Variants in C1RL observed in about 807,000 individuals in gnomAD.
The protein encoded by C1RL is complement C1r subcomponent like.
In C1RL, 27 loss-of-function variants were observed where a neutral mutation model predicts 27.9. The ratio of observed to expected loss-of-function variants is 0.97; its 90% CI spans 0.71 to 1.33. The LOEUF is 1.33. Among genes scored for constraint, C1RL ranks in the 40% most tolerant of loss-of-function variants. The pLI, the probability that C1RL is intolerant of heterozygous loss-of-function variation, is 0.00. For synonymous variants in C1RL, 248 were observed against 252.1 expected, an observed-to-expected ratio of 0.98 and a Z score of 0.15; for missense variants, 563 against 623.9, an observed-to-expected ratio of 0.90 and a Z score of 1.04.
Position 7,095,376 on chromosome 12 carries a change from G to T in C1RL, c.*1015C>A, listed in dbSNP as rs1445043660. The T allele has an allele frequency of 9.8e-7, 1 of 1,019,874 alleles. No homozygotes were observed. Among genetic ancestry groups the T allele is most frequent in the Non-Finnish European group, 1.2e-6 (1 of 846,960 alleles). 63.2% of individuals were successfully genotyped at this position (1,019,874 alleles called of 1,614,324 possible). ...TGATCCACCCACCTCGGACTCCTAA[G>T]GTGTTGGGATTACAGGCGTGAGCCA... On this transcript the variant is annotated 3_prime_UTR_variant, in exon 6 of 6. Coordinates refer to ENST00000266542, the MANE Select transcript of C1RL (RefSeq NM_016546.4).
At chr12:7,102,845 T>C (rs895391439) in intron 2 of C1RL, among the ~76,000 whole-genome samples, 4 of 152,220 alleles carry the variant, frequency 2.6e-5, no homozygotes, top group Non-Finnish European at 5.9e-5. Flanking sequence ...AATACCTTCC[T>C]GTGGGTTCCT....
Position 7,109,149 on chromosome 12 carries a change from A to T in C1RL, c.32T>A (p.Leu11His), listed in dbSNP as rs867689737. ...GCCTTTGGAGTGAGGGCTTCTCCAG[A>T]GATATTTCCCCCACACTCTGGGTCC... is the stretch of plus-strand genomic sequence containing the variant. MPGPRVWGKY[L>H]WRSPHSKGCP... Residue 11 changes from leucine to histidine, a missense_variant, in exon 1 of 6, where the codon CTC (leucine) becomes CAC (histidine). By Grantham distance (99) the Leu-to-His change is moderately conservative (BLOSUM62 -3). Transcript: ENST00000266542. The T allele has an allele frequency of 6.2e-7, 1 of 1,601,878 alleles. No individual in the cohort carries two copies. The highest frequency in any genetic ancestry group is 2.2e-5 in the East Asian group (1 of 44,680).
At position 7,099,906 on chromosome 12, in the gene C1RL, G is replaced by A. The variant is rs1938564163; in HGVS notation, c.611C>T (p.Ala204Val). The A allele has an allele frequency of 6.2e-6, 10 of 1,613,958 alleles. No homozygotes were observed. The highest frequency in any genetic ancestry group is 8.5e-6 in the Non-Finnish European group (10 of 1,180,028). The part of the protein sequence containing the change: ...HCQEPYYQAA[A>V]AGALTCATPG... Reference sequence around the variant, plus strand: ...CTCGGCAGGTGGGGACTCACCTGCTGCCGCGGCCTGATAATAGGGCTCCTG... The same window carrying A: ...CTCGGCAGGTGGGGACTCACCTGCTACCGCGGCCTGATAATAGGGCTCCTG... The change falls in exon 4 of 6, where the codon GCA (alanine) becomes GTA (valine). Residue 204 changes from alanine (A) to valine (V), a missense_variant. By Grantham distance (64) the Ala-to-Val change is moderately conservative. Coordinates refer to ENST00000266542, the MANE Select transcript of C1RL (RefSeq NM_016546.4).
rs1170905073 is a variant in C1RL, at chr12:7,097,152, G to A, written c.703C>T (p.Pro235Ser). ...VLQCMPVCGR[P>S]VTPIAQNQTT... ...TGATTCTGGGCAATGGGGGTGACTG[G>A]CCGTCCGCAGACTGGGAGAGAGGCG... The change falls in exon 6 of 6, where the codon CCA (proline) becomes TCA (serine). Residue 235 changes from proline (P) to serine (S), a missense_variant. Transcript: ENST00000266542. 1.2e-5 allele frequency: 20 copies of A among 1,604,318 alleles called. No individual in the cohort carries two copies. The East Asian group carries it at 3.6e-4, about 29-fold the overall frequency.
In C1RL at chr12:7,094,877, C is replaced by A; in HGVS notation, c.*1514G>T. 1 of 1,007,422 alleles carries A rather than the reference C, an allele frequency of 9.9e-7. No individual in the cohort carries two copies. The highest frequency in any genetic ancestry group is 3.7e-5 in the South Asian group (1 of 27,136). 62.4% of individuals were successfully genotyped at this position (1,007,422 alleles called of 1,614,324 possible). A position where few individuals can be genotyped will look rare whatever the true frequency, so the allele number is the denominator to read the frequency against. On this transcript the variant is annotated 3_prime_UTR_variant, in exon 6 of 6. Transcript: ENST00000266542. ...TATAAGTGTGCATCATTGCACCTGC[C>A]TTTTGGGAATATTTTTAATAATCTT...
intron 5 of C1RL, 25 bp downstream of exon 5, chr12:7,099,661 A>ATGG: frequency 6.5e-7 from 1 of 1,550,344 alleles, no homozygotes; most frequent in Non-Finnish European, 8.7e-7. Context: ...TGTTGGGGGA[A>ATGG]TGGTGCTAGC....
rs1398100243 is a variant in C1RL at position 7,100,017 on chromosome 12, T to C, written c.500A>G (p.Tyr167Cys). ...LALYQTVAVN[Y>C]SQPISEASRG... ...GCTGGCCTCGCTGATGGGCTGACTATAGTTCACAGCTATAGGAAAACAGCA... is the reference window on the plus strand; with the variant it reads ...GCTGGCCTCGCTGATGGGCTGACTACAGTTCACAGCTATAGGAAAACAGCA... The change falls in exon 4 of 6, where the codon TAT becomes TGT. Residue 167 changes from tyrosine to cysteine, a missense_variant. Transcript: ENST00000266542. 9 of 1,612,208 alleles carry C rather than the reference T, an allele frequency of 5.6e-6. No homozygotes were observed. The highest frequency in any genetic ancestry group is 4.0e-5 in the African/African-American group (3 of 74,906).
At chr12:7,105,522 G>C (rs1310042440) in intron 2 of C1RL, among the ~76,000 whole-genome samples, 1 of 152,058 alleles carries the variant, frequency 6.6e-6, no homozygotes, top group Non-Finnish European at 1.5e-5. Flanking sequence ...TGCCTGCCTC[G>C]GCCTCCCAAA....
Position 7,108,554 on chromosome 12 carries a change from G to A in C1RL, c.72-75C>T, listed in dbSNP as rs1368548884. 15 of 1,273,836 alleles carry A rather than the reference G, an allele frequency of 1.2e-5. 1 individual carries two copies. In the East Asian group the frequency reaches 3.7e-4, roughly 31 times the overall value. 78.9% of individuals were successfully genotyped at this position (1,273,836 alleles called of 1,614,324 possible). A position where few individuals can be genotyped will look rare whatever the true frequency, so the allele number is the denominator to read the frequency against. ...GCCTGTGGGTGTGGGAGGAGCGGGGGAGCCGCGCTAGGACTCAGAGGCCTC... is the reference window on the plus strand; with the variant it reads ...GCCTGTGGGTGTGGGAGGAGCGGGGAAGCCGCGCTAGGACTCAGAGGCCTC... On this transcript the variant is annotated intron_variant, in intron 1 of 5. Coordinates refer to ENST00000266542, the MANE Select transcript of C1RL (RefSeq NM_016546.4).
chr12:7,108,075 G>A (rs1938813384), intron 2 of C1RL, 176 bp downstream of exon 2: 5 of 483,544 alleles, frequency 1.0e-5, no homozygotes, highest in Non-Finnish European at 1.8e-5. Context: ...GGAGGCGCTG[G>A]TGGGAGGCTG....
intron 2 of C1RL, among the ~76,000 whole-genome samples, chr12:7,107,223 C>T (rs761298199): frequency 7.9e-5 from 12 of 151,626 alleles, no homozygotes; most frequent in South Asian, 2.1e-4. Context: ...GGCTGGAGTA[C>T]GGTGTCATGA....
At chr12:7,100,731 G>A (rs1389874815) in intron 3 of C1RL, among the ~76,000 whole-genome samples, 2 of 152,166 alleles carry the variant, frequency 1.3e-5, no homozygotes, top group African/African-American at 2.4e-5. Flanking sequence ...AGGTTGCAAT[G>A]AGAAGAGACT....
chr12:7,108,846 G>C (rs1938846041), intron 1 of C1RL: 1 of 555,772 alleles, frequency 1.8e-6, no homozygotes, highest in South Asian at 2.1e-5. Context: ...AGGGTCTGCC[G>C]TAAATATCCC....
At chr12:7,107,994 A>G in intron 2 of C1RL, 1 of 389,884 alleles carries the variant, frequency 2.6e-6, no homozygotes, top group East Asian at 3.8e-5. Flanking sequence ...TTGTGTGTCC[A>G]TTCATAAGCC....
intron 1 of C1RL, chr12:7,108,875 G>C: frequency 1.8e-6 from 1 of 557,542 alleles, no homozygotes; most frequent in Non-Finnish European, 3.2e-6. Context: ...CCTCTGGGAA[G>C]GTGCTAGAGG....
Position 7,094,988 on chromosome 12 carries a change from C to T in C1RL, c.*1403G>A, listed in dbSNP as rs1938385748. 7 of 1,110,756 alleles carry T rather than the reference C, an allele frequency of 6.3e-6. No individual in the cohort carries two copies. The highest frequency in any genetic ancestry group is 3.8e-5 in the South Asian group (2 of 52,098). 68.8% of individuals were successfully genotyped at this position (1,110,756 alleles called of 1,614,324 possible). ...TGCCATTTTTTAGAGATAAATTTAA[C>T]CTTTGACCATATAGCAACTTGACTC... On this transcript the variant is annotated 3_prime_UTR_variant, in exon 6 of 6. Coordinates refer to ENST00000266542, the MANE Select transcript of C1RL (RefSeq NM_016546.4).
intron 1 of C1RL, 183 bp from the exon 2 acceptor site, chr12:7,108,662 A>G (rs1938839516): frequency 1.7e-6 from 1 of 587,078 alleles, no homozygotes; most frequent in East Asian, 2.9e-5. Flanking sequence ...TCCTCACCCC[A>G]ATCCCTACAG....
intron 3 of C1RL, chr12:7,101,581 T>C (rs763975332): frequency 2.2e-6 from 1 of 463,292 alleles, no homozygotes; most frequent in African/African-American, 1.9e-5. Context: ...GTATTTATCT[T>C]TCAAAAACAA....
In C1RL at chr12:7,100,778, C is replaced by A. The variant is rs1207388465; in HGVS notation, c.491-752G>T. ...CTCCAGCCTGGGCAATAGAGCGAGA[C>A]TCTGTCTCAAAAAACAATAAATAAA... On this transcript the variant is annotated intron_variant, in intron 3 of 5. Transcript: ENST00000266542. 5.1e-4 allele frequency among the ~76,000 whole-genome samples: 78 copies of A among 152,178 alleles called. 1 individual carries two copies. The highest frequency in any genetic ancestry group is 2.4e-4 in the Non-Finnish European group (16 of 68,010).
Sources: allele counts gnomAD v4.1 joint callset (sites outside exome capture counted in the v4.1 genomes callset), GRCh38; gene constraint gnomAD v4.1.1; transcripts MANE v1.5; gene names NCBI Gene and HGNC (gene_info 2026-07-23, HGNC 2026-07-21).